Variants in PRKAR2A observed in about 807,000 individuals in gnomAD.
PRKAR2A encodes the protein cAMP-dependent protein kinase type II-alpha regulatory subunit.
PRKAR2A carries 29 observed loss-of-function variants against 51.9 expected under a neutral mutation model. The ratio of observed to expected loss-of-function variants is 0.56; its 90% CI spans 0.42 to 0.76. The LOEUF is 0.76. PRKAR2A is among the 30% of genes least tolerant of loss of function. The pLI is 0.00. For missense variants in PRKAR2A, 445 were observed against 512.1 expected, an observed-to-expected ratio of 0.87 and a Z score of 1.26; for synonymous variants, 178 against 186.2, an observed-to-expected ratio of 0.96 and a Z score of 0.36.
At chr3:48,802,961 G>A (rs2107347624) in intron 2 of PRKAR2A, among the ~76,000 whole-genome samples, 1 of 152,316 alleles carries the variant, frequency 6.6e-6, no homozygotes, top group East Asian at 1.9e-4. Flanking sequence ...AAACTCACAG[G>A]CAAGTGAAGA....
intron 4 of PRKAR2A, among the ~76,000 whole-genome samples, chr3:48,783,406 T>A (rs938475933): frequency 3.3e-5 from 5 of 152,224 alleles, no homozygotes; most frequent in African/African-American, 1.2e-4. Flanking sequence ...ACCTGCCTGA[T>A]GGCTCCACTA....
At chr3:48,809,620 A>G (rs1163198185) in intron 1 of PRKAR2A, among the ~76,000 whole-genome samples, 1 of 149,764 alleles carries the variant, frequency 6.7e-6, no homozygotes, top group East Asian at 1.9e-4. Context: ...AAAAAAAAAA[A>G]AAACTATATA....
At position 48,766,577 on chromosome 3, in the gene PRKAR2A, TAAAATA is replaced by T. The variant is rs770527488; in HGVS notation, c.697-1234_697-1229del. On this transcript the variant is annotated intron_variant, in intron 6 of 10. Transcript: ENST00000265563. ...GTTGAAACTGTGTCTCAAAAAAAAATAAAATAAAAATAAAAAGTCTACAGTTCAAGA... is the reference window on the plus strand; with the variant it reads ...GTTGAAACTGTGTCTCAAAAAAAAATAAAATAAAAAGTCTACAGTTCAAGA... Among the ~76,000 whole-genome samples the T allele has an allele frequency of 9.8e-4, 148 of 151,348 alleles. 1 individual carries two copies. Among genetic ancestry groups the T allele is most frequent in the Admixed American group, 4.0e-3 (61 of 15,152 alleles).
At chr3:48,815,293 C>T (rs531037931) in intron 1 of PRKAR2A, among the ~76,000 whole-genome samples, 5 of 151,896 alleles carry the variant, frequency 3.3e-5, no homozygotes, top group Non-Finnish European at 7.4e-5. Context: ...TACATACACA[C>T]ACATACACAT....
At chr3:48,745,103 G>A (rs1460591957), downstream of PRKAR2A, among the ~76,000 whole-genome samples, 1 of 151,434 alleles carries the variant, frequency 6.6e-6, no homozygotes, top group Non-Finnish European at 1.5e-5. Context: ...TTAAACTCCT[G>A]ACCTCAAATG....
intron 9 of PRKAR2A, among the ~76,000 whole-genome samples, chr3:48,753,140 C>T (rs912224576): frequency 6.0e-5 from 9 of 151,224 alleles, no homozygotes; most frequent in South Asian, 2.1e-4. Flanking sequence ...TCACCATGTT[C>T]GCCAGTATAG....
intron 9 of PRKAR2A, among the ~76,000 whole-genome samples, chr3:48,755,887 T>TCCTG (rs1025739738): frequency 6.6e-6 from 1 of 151,412 alleles, no homozygotes; most frequent in African/African-American, 2.4e-5. Context: ...CATGCCATTC[T>TCCTG]CCTGCCTCAG....
chr3:48,767,950 C>A (rs2081965639), intron 6 of PRKAR2A, among the ~76,000 whole-genome samples: 1 of 150,088 alleles, frequency 6.7e-6, no homozygotes, highest in Non-Finnish European at 1.5e-5. Context: ...AAAAAAACCC[C>A]ACAAAAACAG....
At chr3:48,844,305 T>G (rs1270256177) in intron 1 of PRKAR2A, among the ~76,000 whole-genome samples, 1 of 151,774 alleles carries the variant, frequency 6.6e-6, no homozygotes. Flanking sequence ...TCACACCAGT[T>G]AGAATGGCAA....
intron 1 of PRKAR2A, among the ~76,000 whole-genome samples, chr3:48,836,419 TAAAAAAAAAA>T (rs548970318): frequency 3.6e-5 from 2 of 56,132 alleles, no homozygotes; most frequent in African/African-American, 9.0e-5. Context: ...AGACTCCGTC[TAAAAAAAAAA>T]AAAAAAAAAA....
intron 6 of PRKAR2A, 38 bp from the exon 7 acceptor site, chr3:48,765,387 T>C: frequency 7.1e-7 from 1 of 1,400,470 alleles, no homozygotes; most frequent in Non-Finnish European, 9.9e-7. Context: ...TAAATGCCTA[T>C]ATACAGGAAC....
intron 6 of PRKAR2A, among the ~76,000 whole-genome samples, chr3:48,770,112 A>G (rs1575853755): frequency 6.6e-6 from 1 of 152,116 alleles, no homozygotes; most frequent in East Asian, 1.9e-4. Context: ...AACACTTCCC[A>G]AAACTCTCTT....
chr3:48,801,774 T>C (rs970422072), intron 2 of PRKAR2A, among the ~76,000 whole-genome samples: 1 of 152,064 alleles, frequency 6.6e-6, no homozygotes, highest in Non-Finnish European at 1.5e-5. Flanking sequence ...TTAATACTTG[T>C]TGCCCAGGCT....
chr3:48,821,572 ATTATCT>A (rs1302215427), intron 1 of PRKAR2A, among the ~76,000 whole-genome samples: 2 of 152,300 alleles, frequency 1.3e-5, no homozygotes, highest in Non-Finnish European at 2.9e-5. Flanking sequence ...TTTAGCATAC[ATTATCT>A]TTAAGTTTTA....
At chr3:48,780,622 A>AG (rs2082179887) in intron 5 of PRKAR2A, among the ~76,000 whole-genome samples, 1 of 151,718 alleles carries the variant, frequency 6.6e-6, no homozygotes, top group Non-Finnish European at 1.5e-5. Flanking sequence ...AAAAAAAAAA[A>AG]AAATTTCCTC....
At chr3:48,766,732 T>A (rs1182652688) in intron 6 of PRKAR2A, among the ~76,000 whole-genome samples, 3 of 152,062 alleles carry the variant, frequency 2.0e-5, no homozygotes, top group African/African-American at 7.2e-5. Context: ...GCAGCAAAAA[T>A]GTCTAGGACC....
chr3:48,774,191 GTGTT>G (rs1238983404), intron 5 of PRKAR2A, among the ~76,000 whole-genome samples: 1 of 152,018 alleles, frequency 6.6e-6, no homozygotes, highest in Non-Finnish European at 1.5e-5. Context: ...GTACATGTGA[GTGTT>G]TGTTGCATGC....
At chr3:48,813,198 C>A (rs2082805951) in intron 1 of PRKAR2A, among the ~76,000 whole-genome samples, 2 of 140,024 alleles carry the variant, frequency 1.4e-5, no homozygotes, top group African/African-American at 5.4e-5. Context: ...GGTTCGAGAC[C>A]AACCTGGGCA....
chr3:48,759,750 C>A (rs746779199), intron 8 of PRKAR2A, among the ~76,000 whole-genome samples: 16 of 152,150 alleles, frequency 1.1e-4, no homozygotes, highest in Non-Finnish European at 2.1e-4. Context: ...AAGAACATTC[C>A]ATTCTACATT....
Sources: gnomAD v4.1 joint callset for allele counts (sites outside exome capture counted in the v4.1 genomes callset) on GRCh38, gnomAD v4.1.1 for gene constraint, MANE v1.5 for transcripts, NCBI Gene and HGNC (gene_info 2026-07-23, HGNC 2026-07-21) for gene names.